The following SWT1 variants were observed in gnomAD, a reference collection of about 807,000 sequenced individuals.
The protein encoded by SWT1 is SWT1 RNA endoribonuclease homolog, also known as transcriptional protein SWT1.
In SWT1, 33 loss-of-function variants were observed where a neutral mutation model predicts 107.3. The observed-to-expected ratio is 0.31, with a 90% CI of 0.23 to 0.41. The LOEUF (loss-of-function observed/expected upper bound fraction) is 0.41. SWT1 is among the 10% of genes least tolerant of loss of function. The pLI, the probability that SWT1 is intolerant of heterozygous loss-of-function variation, is 1.00. For synonymous variants in SWT1, 345 were observed against 348.3 expected (o/e 0.99, Z 0.11); for missense variants, 898 against 1,028.9 (o/e 0.87, Z 1.74).
chr1:185,222,061 T>A (rs752381993), intron 15 of SWT1, 25 bp downstream of exon 15: 9 of 1,416,624 alleles, frequency 6.4e-6, no homozygotes, highest in African/African-American at 1.5e-5. Flanking sequence ...GGAATTTTTT[T>A]TTAGTTATTT....
chr1:185,235,299 A>G (rs1660786819), intron 16 of SWT1, among the ~76,000 whole-genome samples: 1 of 152,250 alleles, frequency 6.6e-6, no homozygotes, highest in Admixed American at 6.5e-5. Flanking sequence ...ATGAACATCA[A>G]TGCGAAAATC....
chr1:185,227,080 A>C lies in SWT1; in HGVS notation c.2310-4497A>C, dbSNP rs1203620952. On this transcript the variant is annotated intron_variant, in intron 15 of 18. Transcript: ENST00000367500. ...TCTTCTTCCATTAAATAGCACATGT[A>C]ATCTGCAACATTCTGGCCCATGATG... is the stretch of plus-strand genomic sequence containing the variant. 2.7e-6 allele frequency: 3 copies of C among 1,097,508 alleles called. 1 individual carries two copies. Among genetic ancestry groups the C allele is most frequent in the South Asian group, 2.5e-5 (2 of 80,828 alleles). The allele number at this position is 1,097,508 out of a possible 1,614,324, so 68.0% of individuals were successfully genotyped here. A position where few individuals can be genotyped will look rare whatever the true frequency, so the allele number is the denominator to read the frequency against.
chr1:185,182,475 C>T (rs1027388231), intron 7 of SWT1, among the ~76,000 whole-genome samples: 15 of 151,810 alleles, frequency 9.9e-5, no homozygotes, highest in Non-Finnish European at 1.6e-4. Flanking sequence ...CAAGACCAGC[C>T]TGGGCAGCAT....
chr1:185,165,204 G>A (rs933881007), intron 2 of SWT1, among the ~76,000 whole-genome samples: 4 of 152,000 alleles, frequency 2.6e-5, no homozygotes, highest in Non-Finnish European at 5.9e-5. Flanking sequence ...AGTCTGTGGC[G>A]CCCCAAAGCA....
At chr1:185,253,843 C>A (rs1662254734) in intron 16 of SWT1, among the ~76,000 whole-genome samples, 2 of 151,482 alleles carry the variant, frequency 1.3e-5, no homozygotes, top group Non-Finnish European at 2.9e-5. Flanking sequence ...GAGAGGGCAT[C>A]CCTGTCTTGT....
chr1:185,184,797 G>A lies in SWT1; in HGVS notation c.1295G>A (p.Arg432His), dbSNP rs748408064. The A allele has an allele frequency of 3.7e-5, 59 of 1,606,908 alleles. No individual in the cohort carries two copies. The highest frequency in any genetic ancestry group is 1.6e-4 in the Middle Eastern group (1 of 6,062). Residue 432 changes from arginine (R) to histidine (H), a missense_variant, in exon 9 of 19, where the codon CGT (arginine) becomes CAT (histidine). This residue lies in a region of SWT1 where 5 missense variants were observed against 25.3 expected (regional missense o/e 0.20). Coordinates refer to ENST00000367500, the MANE Select transcript of SWT1 (RefSeq NM_017673.7). ...IPWVVMQELD[R>H]MKEGKLLKRA... ...TGGGTCGTTATGCAAGAGCTAGATCGTATGAAGGAAGGAAAACTACTAAAA... is the reference window on the plus strand; with the variant it reads ...TGGGTCGTTATGCAAGAGCTAGATCATATGAAGGAAGGAAAACTACTAAAA...
chr1:185,225,338 G>A (rs1278966619), intron 15 of SWT1, among the ~76,000 whole-genome samples: 3 of 151,938 alleles, frequency 2.0e-5, no homozygotes, highest in Admixed American at 6.6e-5. Flanking sequence ...GAGAATTTTC[G>A]TACCTGTTTA....
intron 10 of SWT1, among the ~76,000 whole-genome samples, chr1:185,191,951 C>T (rs975451987): frequency 1.3e-5 from 2 of 151,860 alleles, no homozygotes; most frequent in African/African-American, 4.8e-5. Context: ...GCCTGTTTTT[C>T]TCTCTCTCTT....
chr1:185,287,642 G>A lies in SWT1; in HGVS notation c.2574-3032G>A, dbSNP rs533316787. ...TGAGGTCAGATGACTCACTGGAGAT[G>A]CTGCAGAAGACAAGCAGAGGTGTTA... On this transcript the variant is annotated intron_variant, in intron 18 of 18. Coordinates refer to ENST00000367500, the MANE Select transcript of SWT1 (RefSeq NM_017673.7). Among the ~76,000 whole-genome samples, 5 of 152,304 alleles carry A rather than the reference G, an allele frequency of 3.3e-5. No homozygotes were observed. In the South Asian group the frequency reaches 8.3e-4, roughly 25 times the overall value.
At chr1:185,215,951 A>G in intron 14 of SWT1, among the ~76,000 whole-genome samples, 1 of 152,180 alleles carries the variant, frequency 6.6e-6, no homozygotes, top group East Asian at 1.9e-4. Flanking sequence ...TATCCAGTAT[A>G]GATATTATGT....
intron 14 of SWT1, among the ~76,000 whole-genome samples, chr1:185,219,950 C>T (rs1181821936): frequency 6.6e-6 from 1 of 151,800 alleles, no homozygotes; most frequent in African/African-American, 2.4e-5. Context: ...AACCAACCAG[C>T]CTGGGCAACA....
At chr1:185,290,441 T>A (rs1426583388) in intron 18 of SWT1, among the ~76,000 whole-genome samples, 1 of 152,104 alleles carries the variant, frequency 6.6e-6, no homozygotes, top group African/African-American at 2.4e-5. Context: ...ATAGTAATTT[T>A]AAAAATGTAG....
At chr1:185,270,286 CT>C (rs79137703) in intron 16 of SWT1, among the ~76,000 whole-genome samples, 132 of 104,804 alleles carry the variant, frequency 1.3e-3, no homozygotes, top group East Asian at 1.5e-3. Context: ...GTTTACTTTC[CT>C]TTTTTTTTTT....
chr1:185,177,466 CTT>C (rs1655663769), intron 5 of SWT1, among the ~76,000 whole-genome samples: 1 of 152,196 alleles, frequency 6.6e-6, no homozygotes, highest in Non-Finnish European at 1.5e-5. Flanking sequence ...AATTTAGACT[CTT>C]TATAAACTGT....
At chr1:185,175,375 C>T (rs530115661) in intron 5 of SWT1, among the ~76,000 whole-genome samples, 2 of 152,144 alleles carry the variant, frequency 1.3e-5, no homozygotes, top group South Asian at 2.1e-4. Context: ...TATAGGCACA[C>T]ATCACCGCAC....
At chr1:185,196,018 T>C (rs1657355265) in intron 10 of SWT1, among the ~76,000 whole-genome samples, 1 of 152,246 alleles carries the variant, frequency 6.6e-6, no homozygotes, top group African/African-American at 2.4e-5. Flanking sequence ...TTGTCAGTTT[T>C]GGCTTTTGTT....
At chr1:185,290,342 C>G (rs1054909989) in intron 18 of SWT1, among the ~76,000 whole-genome samples, 2 of 151,764 alleles carry the variant, frequency 1.3e-5, no homozygotes, top group Non-Finnish European at 2.9e-5. Context: ...TTTGGGAGGC[C>G]ATGGTAGGAG....
At chr1:185,241,095 CCTTTA>C (rs780366125) in intron 16 of SWT1, among the ~76,000 whole-genome samples, 117 of 152,164 alleles carry the variant, frequency 7.7e-4, no homozygotes, top group Non-Finnish European at 1.2e-3. Context: ...AATAGGTCAT[CCTTTA>C]CTTTACACAA....
chr1:185,181,875 T>A, intron 6 of SWT1, 71 bp from the exon 7 acceptor site: 5 of 1,540,236 alleles, frequency 3.2e-6, no homozygotes, highest in Non-Finnish European at 4.4e-6. Context: ...TAATTAAGAA[T>A]TAATTGCTTT....
Sources: gnomAD v4.1 joint callset for allele counts (sites outside exome capture counted in the v4.1 genomes callset) on GRCh38, gnomAD v4.1.1 for gene constraint, gnomAD v4.1.1 regional missense constraint, MANE v1.5 for transcripts, NCBI Gene and HGNC (gene_info 2026-07-23, HGNC 2026-07-21) for gene names.